Variants in ZNF253 observed in about 807,000 individuals in gnomAD.
The protein encoded by ZNF253 is DNA-binding protein.
Under a neutral mutation model 11.9 loss-of-function variants are expected in ZNF253, and 8 were observed. The observed-to-expected ratio is 0.67, with a 90% CI of 0.40 to 1.22. The LOEUF is 1.22. Among genes scored for constraint, ZNF253 ranks in the 50% most tolerant of loss-of-function variants. The probability of loss-of-function intolerance (pLI) is 0.01; values close to 1 mark genes in which losing one functional copy is unlikely to be tolerated. For synonymous variants in ZNF253, 194 were observed against 194.9 expected, an observed-to-expected ratio of 1.00 and a Z score of 0.04; for missense variants, 485 against 586.9, an observed-to-expected ratio of 0.83 and a Z score of 1.79.
At chr19:19,882,848 G>A (rs962536104) in intron 3 of ZNF253, among the ~76,000 whole-genome samples, 2 of 151,950 alleles carry the variant, frequency 1.3e-5, no homozygotes, top group East Asian at 3.9e-4. Flanking sequence ...GCGGGCACCT[G>A]TAATCCCAGC....
In ZNF253 at chr19:19,865,889, C is replaced by A. The variant is rs970954814; in HGVS notation, c.-108C>A. 1 of 1,406,868 alleles carries A rather than the reference C, an allele frequency of 7.1e-7. No homozygotes were observed. The highest frequency in any genetic ancestry group is 1.7e-5 in the Admixed American group (1 of 59,760). 87.1% of individuals were successfully genotyped at this position (1,406,868 alleles called of 1,614,324 possible). On this transcript the variant is annotated 5_prime_UTR_variant, in exon 1 of 4. Coordinates refer to ENST00000589717, the MANE Select transcript of ZNF253 (RefSeq NM_021047.3). ...CTGCAGCGGGAGCTCCAGGTTTATC[C>A]TCAGTGTTCTGTGTCCTGTGCTTAT...
chr19:19,874,042 G>A (rs1244125786), intron 1 of ZNF253, among the ~76,000 whole-genome samples: 1 of 152,032 alleles, frequency 6.6e-6, no homozygotes, highest in Non-Finnish European at 1.5e-5. Context: ...CAGAGTGTCC[G>A]GGATTACAGG....
In ZNF253 at chr19:19,869,592, C is replaced by G. The variant is rs541146793; in HGVS notation, c.3+3593C>G. Among the ~76,000 whole-genome samples the G allele has an allele frequency of 2.8e-4, 42 of 150,468 alleles. No individual in the cohort carries two copies. The South Asian group carries it at 7.8e-3, about 28-fold the overall frequency. ...ATCAGGCTGGTCTTGAACTCCTGAC[C>G]TCAGGTGATCTGCCTGCCTCAGCCT... is the stretch of plus-strand genomic sequence containing the variant. On this transcript the variant is annotated intron_variant, in intron 1 of 3. Coordinates refer to ENST00000589717, the MANE Select transcript of ZNF253 (RefSeq NM_021047.3).
chr19:19,879,993 C>G, intron 2 of ZNF253, 58 bp from the exon 3 acceptor site: 1 of 1,235,546 alleles, frequency 8.1e-7, no homozygotes. Flanking sequence ...GAGCACAGTA[C>G]TAGCTTGTAA....
intron 1 of ZNF253, among the ~76,000 whole-genome samples, chr19:19,868,341 T>C (rs1366660739): frequency 1.3e-5 from 2 of 152,114 alleles, no homozygotes; most frequent in Non-Finnish European, 2.9e-5. Context: ...TTCATTTAAG[T>C]CTTTAATTAA....
chr19:19,879,770 A>G (rs1052805029), intron 2 of ZNF253, among the ~76,000 whole-genome samples: 3 of 152,250 alleles, frequency 2.0e-5, no homozygotes, highest in Non-Finnish European at 4.4e-5. Context: ...TATTCACTCT[A>G]AATTAGTGGT....
chr19:19,868,904 T>C (rs1387865765), intron 1 of ZNF253, among the ~76,000 whole-genome samples: 1 of 152,212 alleles, frequency 6.6e-6, no homozygotes, highest in African/African-American at 2.4e-5. Flanking sequence ...TATATGTAGA[T>C]GCTTTTCTCT....
intron 1 of ZNF253, among the ~76,000 whole-genome samples, chr19:19,877,834 T>C (rs2063161663): frequency 6.6e-6 from 1 of 152,222 alleles, no homozygotes; most frequent in Non-Finnish European, 1.5e-5. Flanking sequence ...GCAGCTGATG[T>C]GCATAAACCA....
chr19:19,887,516 T>G (rs1264913025), intron 3 of ZNF253, among the ~76,000 whole-genome samples: 4 of 151,940 alleles, frequency 2.6e-5, no homozygotes, highest in Non-Finnish European at 5.9e-5. Flanking sequence ...CCGGGCTGGT[T>G]TTGAATGCCT....
chr19:19,882,735 G>C (rs1452960105), intron 3 of ZNF253, among the ~76,000 whole-genome samples: 1 of 152,178 alleles, frequency 6.6e-6, no homozygotes, highest in Non-Finnish European at 1.5e-5. Flanking sequence ...CACTTTGGGA[G>C]GCTGAGGTGG....
At chr19:19,878,313 A>C (rs974440344) in intron 1 of ZNF253, among the ~76,000 whole-genome samples, 168 bp from the exon 2 acceptor site, 1 of 142,816 alleles carries the variant, frequency 7.0e-6, no homozygotes, top group Admixed American at 7.4e-5. Context: ...TCTCAGAGTT[A>C]GAGGATACAT....
rs190693250 is a variant in ZNF253 at position 19,878,337 on chromosome 19, T to C, written c.4-144T>C. The C allele has an allele frequency of 1.0e-4, 142 of 1,389,196 alleles. No homozygotes were observed. In the African/African-American group the frequency reaches 1.6e-3, roughly 16 times the overall value. The allele number at this position is 1,389,196 out of a possible 1,614,324, so 86.1% of individuals were successfully genotyped here. The stretch of plus-strand genomic sequence containing the variant: ...TAGAGGATACATTAGAGAATATTTT[T>C]GGGTTGAAAAATATTTTATTGGATA... On this transcript the variant is annotated intron_variant, in intron 1 of 3. Coordinates refer to ENST00000589717, the MANE Select transcript of ZNF253 (RefSeq NM_021047.3).
intron 3 of ZNF253, among the ~76,000 whole-genome samples, chr19:19,880,718 AAAG>A (rs980408045): frequency 1.3e-5 from 2 of 150,898 alleles, no homozygotes; most frequent in African/African-American, 4.9e-5. Flanking sequence ...AAAAAAAAAA[AAAG>A]AGAGAATGAG....
At chr19:19,866,056 A>G in intron 1 of ZNF253, 57 bp downstream of exon 1, 1 of 1,612,594 alleles carries the variant, frequency 6.2e-7, no homozygotes, top group Non-Finnish European at 8.5e-7. Flanking sequence ...AACGGTGGGA[A>G]GTGGCTCTGG....
In ZNF253 at chr19:19,875,178, A is replaced by G. The variant is rs185564168; in HGVS notation, c.4-3303A>G. On this transcript the variant is annotated intron_variant, in intron 1 of 3. Coordinates refer to ENST00000589717, the MANE Select transcript of ZNF253 (RefSeq NM_021047.3). Reference sequence around the variant, plus strand: ...TGCTGCCTTTCTAGAGCTGGTGCTTAGAATTTACTGAAACTCAAAAGCAGA... The same window carrying G: ...TGCTGCCTTTCTAGAGCTGGTGCTTGGAATTTACTGAAACTCAAAAGCAGA... Among the ~76,000 whole-genome samples the G allele has an allele frequency of 2.4e-3, 363 of 152,290 alleles. 2 individuals carry two copies. Among genetic ancestry groups the G allele is most frequent in the Non-Finnish European group, 4.4e-3 (301 of 68,026 alleles).
Position 19,880,099 on chromosome 19 carries a change from A to G in ZNF253, c.179A>G (p.Lys60Arg), listed in dbSNP as rs1285042064. The change falls in exon 3 of 4, where the codon AAA (lysine) becomes AGA (arginine). Residue 60 changes from lysine to arginine, a missense_variant. Lys to Arg is a conservative substitution (Grantham distance 26). Around this residue, in one of 3 missense-constraint regions of ZNF253, gnomAD observed 218 missense variants for 213.1 expected, o/e 1.02. Coordinates refer to ENST00000589717, the MANE Select transcript of ZNF253 (RefSeq NM_021047.3). ...CTGGTTACCTGTCTGGAGCAAGGAA[A>G]AAAACCTTTAACTATGGAAAGACAT... ...PDLVTCLEQG[K>R]KPLTMERHEM... 1.9e-6 allele frequency: 3 copies of G among 1,609,346 alleles called. No individual in the cohort carries two copies. The highest frequency in any genetic ancestry group is 2.5e-6 in the Non-Finnish European group (3 of 1,178,082).
At chr19:19,884,288 T>A (rs551649786) in intron 3 of ZNF253, among the ~76,000 whole-genome samples, 1 of 152,318 alleles carries the variant, frequency 6.6e-6, no homozygotes, top group East Asian at 1.9e-4. Context: ...CTTTTGTGAA[T>A]ACTGGTACAA....
At chr19:19,879,529 A>T (rs944169707) in intron 2 of ZNF253, among the ~76,000 whole-genome samples, 1 of 152,186 alleles carries the variant, frequency 6.6e-6, no homozygotes, top group African/African-American at 2.4e-5. Flanking sequence ...GAGAACATGA[A>T]CCCCTACCTC....
At chr19:19,890,541 TGA>T (rs2063224517) in intron 3 of ZNF253, among the ~76,000 whole-genome samples, 2 of 148,344 alleles carry the variant, frequency 1.3e-5, no homozygotes, top group Non-Finnish European at 3.0e-5. Context: ...TGTGTGTGTG[TGA>T]CAGAGTCTCA....
Sources: allele counts gnomAD v4.1 joint callset (sites outside exome capture counted in the v4.1 genomes callset), GRCh38; gene constraint gnomAD v4.1.1; regional missense constraint gnomAD v4.1.1; transcripts MANE v1.5; gene names NCBI Gene and HGNC (gene_info 2026-07-23, HGNC 2026-07-21).